Variants in SPOPL observed in about 807,000 individuals in gnomAD.
SPOPL encodes the protein speckle-type POZ protein-like.
In SPOPL, 23 loss-of-function variants were observed where a neutral mutation model predicts 53.8. The observed-to-expected ratio is 0.43, with a 90% CI of 0.31 to 0.61. SPOPL has a LOEUF of 0.61. Ranked by LOEUF, SPOPL falls within the 20% of genes least tolerant of loss-of-function variation. The pLI is 0.12. For missense variants in SPOPL, 442 were observed against 466.9 expected, an observed-to-expected ratio of 0.95 and a Z score of 0.49; for synonymous variants, 164 against 149.7, an observed-to-expected ratio of 1.10 and a Z score of -0.70.
At position 138,569,163 on chromosome 2, in the gene SPOPL, A is replaced by G. The variant is rs1187413509; in HGVS notation, c.*83A>G. ...GATTCTAATACACAAACCATAAGCA[A>G]GAGTTGTTTCTGTTATTTTGTCCAC... On this transcript the variant is annotated 3_prime_UTR_variant, in exon 11 of 11. Transcript: ENST00000280098. 1 of 1,451,726 alleles carries G rather than the reference A, an allele frequency of 6.9e-7. No homozygotes were observed. Among genetic ancestry groups the G allele is most frequent in the Non-Finnish European group, 9.4e-7 (1 of 1,065,740 alleles). 89.9% of individuals were successfully genotyped at this position (1,451,726 alleles called of 1,614,324 possible).
rs556694327 is a variant in SPOPL at position 138,522,687 on chromosome 2, CT to C, written c.-61+20572del. Among the ~76,000 whole-genome samples, 21 of 152,258 alleles carry C rather than the reference CT, an allele frequency of 1.4e-4. 1 individual carries two copies. The East Asian group carries it at 3.9e-3, about 28-fold the overall frequency. The stretch of plus-strand genomic sequence containing the variant: ...CCCCCTCTTCTTGCCCCTGCACATT[CT>C]TTTCTATAGCAGTGGTGTCCAGCTC... On this transcript the variant is annotated intron_variant, in intron 1 of 10. Transcript: ENST00000280098.
intron 1 of SPOPL, among the ~76,000 whole-genome samples, chr2:138,503,639 AC>A (rs1684152995): frequency 1.3e-5 from 2 of 152,230 alleles, no homozygotes; most frequent in African/African-American, 2.4e-5. Context: ...GCAGCTAACT[AC>A]CAAGCTACAG....
At chr2:138,537,403 C>T (rs193275813) in intron 1 of SPOPL, among the ~76,000 whole-genome samples, 307 of 152,122 alleles carry the variant, frequency 2.0e-3, no homozygotes, top group Non-Finnish European at 3.6e-3. Context: ...CAGAACAGTA[C>T]GGGGATTTTC....
chr2:138,545,271 A>G (rs1349506957), intron 1 of SPOPL, among the ~76,000 whole-genome samples: 3 of 152,148 alleles, frequency 2.0e-5, no homozygotes, highest in African/African-American at 7.2e-5. Flanking sequence ...AAGTGACTTT[A>G]TATCAGCATC....
chr2:138,556,547 G>A (rs185969644), intron 5 of SPOPL, among the ~76,000 whole-genome samples: 7 of 152,248 alleles, frequency 4.6e-5, no homozygotes, highest in Admixed American at 3.9e-4. Context: ...GATCCCTTAC[G>A]AAACCTTGAA....
intron 1 of SPOPL, among the ~76,000 whole-genome samples, chr2:138,546,816 A>T (rs539278181): frequency 6.6e-6 from 1 of 152,246 alleles, no homozygotes. Context: ...AATGAACAAC[A>T]TATATAATAT....
chr2:138,559,252 A>G (rs574043976), intron 6 of SPOPL, 30 bp from the exon 7 acceptor site: 7 of 1,611,650 alleles, frequency 4.3e-6, no homozygotes, highest in African/African-American at 2.7e-5. Flanking sequence ...GCATTTATGC[A>G]TAAAATAATG....
rs888831578 is a variant in SPOPL, at chr2:138,561,678, A to T, written c.837+751A>T. On this transcript the variant is annotated intron_variant, in intron 8 of 10. Coordinates refer to ENST00000280098, the MANE Select transcript of SPOPL (RefSeq NM_001001664.3). ...TGTCTCAATAAAAACTTAAATTAAA[A>T]ACACCATTTACAATAGCAGCATCAT... Among the ~76,000 whole-genome samples the T allele has an allele frequency of 4.6e-5, 7 of 152,302 alleles. 1 individual carries two copies. The highest frequency in any genetic ancestry group is 3.3e-4 in the Admixed American group (5 of 15,302).
chr2:138,550,821 C>CTT (rs1553471044), intron 3 of SPOPL, 82 bp from the exon 4 acceptor site: 11 of 865,378 alleles, frequency 1.3e-5, no homozygotes, highest in East Asian at 8.1e-5. Flanking sequence ...TGTTCTCTCT[C>CTT]TCTCTTTCTC....
In SPOPL at chr2:138,568,972, G is replaced by A; in HGVS notation, c.1071G>A (p.Lys357=). 1.2e-6 allele frequency: 2 copies of A among 1,614,050 alleles called. No individual in the cohort carries two copies. The highest frequency in any genetic ancestry group is 1.7e-6 in the Non-Finnish European group (2 of 1,179,912). ...ATDIMETSGW[K]SMIQSHPHLV... ...ACATAATGGAAACATCAGGGTGGAAGTCCATGATTCAGTCTCACCCTCATT... is the reference window on the plus strand; with the variant it reads ...ACATAATGGAAACATCAGGGTGGAAATCCATGATTCAGTCTCACCCTCATT... The change falls in exon 11 of 11, where the codon AAG becomes AAA. Residue 357 remains lysine, a synonymous_variant. Transcript: ENST00000280098.
Position 138,568,135 on chromosome 2 carries a change from G to A in SPOPL, c.1035-801G>A, listed in dbSNP as rs118100485. ...ACCAAGGGAACATTATGGAAGCTTGGTTTAAGAGGAGCAGGAAACTAGAAG... is the reference window on the plus strand; with the variant it reads ...ACCAAGGGAACATTATGGAAGCTTGATTTAAGAGGAGCAGGAAACTAGAAG... On this transcript the variant is annotated intron_variant, in intron 10 of 10. Coordinates refer to ENST00000280098, the MANE Select transcript of SPOPL (RefSeq NM_001001664.3). 1.0e-3 allele frequency among the ~76,000 whole-genome samples: 158 copies of A among 152,304 alleles called. 1 individual carries two copies. The East Asian group carries it at 0.028, about 27-fold the overall frequency.
intron 1 of SPOPL, among the ~76,000 whole-genome samples, chr2:138,535,333 A>G (rs1684903742): frequency 1.3e-5 from 2 of 152,196 alleles, no homozygotes; most frequent in South Asian, 4.1e-4. Flanking sequence ...TCATTTGAAC[A>G]CCTGTTTCCA....
intron 8 of SPOPL, among the ~76,000 whole-genome samples, chr2:138,561,826 A>G (rs1685555711): frequency 6.6e-6 from 1 of 152,074 alleles, no homozygotes; most frequent in Non-Finnish European, 1.5e-5. Flanking sequence ...CCAGGTAATG[A>G]TGATAGTACC....
chr2:138,541,114 G>A (rs543540566), intron 1 of SPOPL, among the ~76,000 whole-genome samples: 21 of 152,194 alleles, frequency 1.4e-4, no homozygotes, highest in African/African-American at 4.3e-4. Context: ...TCATGGATAC[G>A]CTTCTTGATG....
intron 1 of SPOPL, among the ~76,000 whole-genome samples, chr2:138,529,123 T>C (rs995726460): frequency 6.6e-6 from 1 of 152,200 alleles, no homozygotes. Context: ...AAAATAGTTC[T>C]CTTTGTAATA....
intron 1 of SPOPL, among the ~76,000 whole-genome samples, chr2:138,515,283 A>C (rs1013747965): frequency 3.3e-5 from 5 of 152,216 alleles, no homozygotes; most frequent in Admixed American, 2.6e-4. Context: ...ACATTGGCCC[A>C]AAGCTCTAAT....
In SPOPL at chr2:138,559,050, T is replaced by C. The variant is rs200334144; in HGVS notation, c.509T>C (p.Ile170Thr). 63 of 1,611,058 alleles carry C rather than the reference T, an allele frequency of 3.9e-5. 1 individual carries two copies. The Admixed American group carries it at 8.2e-4, about 21-fold the overall frequency. The change falls in exon 6 of 11, where the codon ATA becomes ACA. Residue 170 changes from isoleucine (I) to threonine (T), a missense_variant. Transcript: ENST00000280098. ...EVSVVQDSVN[I>T]SGHTNTNTLK... ...AGTGTGGTCCAAGATTCAGTAAACATATCAGGACATACTAATACAAATACT... is the reference window on the plus strand; with the variant it reads ...AGTGTGGTCCAAGATTCAGTAAACACATCAGGACATACTAATACAAATACT...
chr2:138,529,813 AT>A (rs1199097416), intron 1 of SPOPL, among the ~76,000 whole-genome samples: 3 of 152,090 alleles, frequency 2.0e-5, no homozygotes, highest in East Asian at 3.8e-4. Flanking sequence ...AAAATACATA[AT>A]TTTTTTAAAC....
intron 1 of SPOPL, among the ~76,000 whole-genome samples, chr2:138,549,850 CATG>C (rs1283179586): frequency 1.3e-5 from 2 of 152,014 alleles, no homozygotes; most frequent in African/African-American, 2.4e-5. Flanking sequence ...ATTATGTTTC[CATG>C]ATATTTTGTG....
Sources: gnomAD v4.1 joint callset for allele counts (sites outside exome capture counted in the v4.1 genomes callset) on GRCh38, gnomAD v4.1.1 for gene constraint, MANE v1.5 for transcripts, NCBI Gene and HGNC (gene_info 2026-07-23, HGNC 2026-07-21) for gene names.